NEGR1: variants seen among roughly 807,000 people sequenced by gnomAD.
NEGR1 encodes the protein IgLON family member 4.
Under a neutral mutation model 40.9 loss-of-function variants are expected in NEGR1, and 10 were observed. The observed-to-expected ratio is 0.24, with a 90% CI of 0.15 to 0.42. The LOEUF (loss-of-function observed/expected upper bound fraction) is 0.42. Among genes scored for constraint, NEGR1 ranks in the 10% least tolerant of loss-of-function variants. The pLI, the probability that NEGR1 is intolerant of heterozygous loss-of-function variation, is 1.00. For missense variants in NEGR1, 352 were observed against 438.9 expected (o/e 0.80, Z 1.77); for synonymous variants, 185 against 166.8 (o/e 1.11, Z -0.84).
chr1:71,910,402 A>AC (rs1161934196), intron 2 of NEGR1, among the ~76,000 whole-genome samples: 3 of 152,212 alleles, frequency 2.0e-5, no homozygotes, highest in South Asian at 2.1e-4. Flanking sequence ...AACAACCCTC[A>AC]AAGACAGACG....
intron 1 of NEGR1, among the ~76,000 whole-genome samples, chr1:71,946,029 G>A (rs1374892423): frequency 5.9e-5 from 9 of 151,918 alleles, no homozygotes; most frequent in Non-Finnish European, 8.8e-5. Flanking sequence ...TAAGTAAAGG[G>A]TTACCAATTC....
intron 2 of NEGR1, among the ~76,000 whole-genome samples, chr1:71,816,917 C>T (rs1658240132): frequency 6.7e-6 from 1 of 149,448 alleles, no homozygotes; most frequent in South Asian, 2.2e-4. Context: ...TCAATACTGT[C>T]ACTTCCTTTT....
At chr1:71,435,110 CA>C (rs756919652) in intron 6 of NEGR1, among the ~76,000 whole-genome samples, 18 of 150,234 alleles carry the variant, frequency 1.2e-4, no homozygotes, top group African/African-American at 3.2e-4. Flanking sequence ...AACAAACAAA[CA>C]AAAAAAAAAA....
chr1:71,687,401 G>A (rs1213727441), intron 4 of NEGR1, among the ~76,000 whole-genome samples: 5 of 152,168 alleles, frequency 3.3e-5, no homozygotes, highest in African/African-American at 7.2e-5. Context: ...CCCTGGCACA[G>A]TGGGCATTTT....
intron 1 of NEGR1, among the ~76,000 whole-genome samples, chr1:72,211,293 C>T (rs932985250): frequency 2.0e-5 from 3 of 151,886 alleles, no homozygotes; most frequent in African/African-American, 7.2e-5. Flanking sequence ...ACCTATCCCA[C>T]TCATTTACAT....
At chr1:71,714,059 G>C in intron 3 of NEGR1, among the ~76,000 whole-genome samples, 1 of 152,082 alleles carries the variant, frequency 6.6e-6, no homozygotes, top group East Asian at 1.9e-4. Flanking sequence ...ATTTATAAAG[G>C]AAAGAGGTTT....
chr1:71,632,981 T>C (rs1290561625), intron 4 of NEGR1, among the ~76,000 whole-genome samples: 2 of 152,248 alleles, frequency 1.3e-5, no homozygotes, highest in Middle Eastern at 3.4e-3. Context: ...TAATTGCTGT[T>C]ATGAATTAAT....
At chr1:71,829,042 A>G (rs760712785) in intron 2 of NEGR1, among the ~76,000 whole-genome samples, 3 of 152,006 alleles carry the variant, frequency 2.0e-5, no homozygotes, top group Middle Eastern at 3.4e-3. Flanking sequence ...CTCACAGTCT[A>G]TTGCTACTAT....
intron 3 of NEGR1, among the ~76,000 whole-genome samples, chr1:71,768,165 T>C (rs1330910711): frequency 6.6e-6 from 1 of 151,784 alleles, no homozygotes; most frequent in Non-Finnish European, 1.5e-5. Flanking sequence ...CTTAGTGGAG[T>C]TGTGAGAAGA....
At chr1:71,976,125 C>T (rs570079652) in intron 1 of NEGR1, among the ~76,000 whole-genome samples, 2 of 152,302 alleles carry the variant, frequency 1.3e-5, no homozygotes, top group East Asian at 1.9e-4. Flanking sequence ...AAAATATACA[C>T]ATAAGACTCA....
rs147070621 is a variant in NEGR1 at position 71,498,901 on chromosome 1, T to A, written c.941-91331A>T. 4.7e-4 allele frequency among the ~76,000 whole-genome samples: 72 copies of A among 152,280 alleles called. 1 individual carries two copies. The highest frequency in any genetic ancestry group is 7.2e-4 in the Non-Finnish European group (49 of 68,022). The stretch of plus-strand genomic sequence containing the variant: ...ACTACCCAGCTGCCTGCCAGGTCTC[T>A]TGGCTTCCATCATTTTCATCTCTTG... On this transcript the variant is annotated intron_variant, in intron 6 of 6. Coordinates refer to ENST00000357731, the MANE Select transcript of NEGR1 (RefSeq NM_173808.3).
intron 2 of NEGR1, among the ~76,000 whole-genome samples, chr1:71,854,556 C>T (rs926339548): frequency 6.6e-6 from 1 of 152,030 alleles, no homozygotes; most frequent in Non-Finnish European, 1.5e-5. Flanking sequence ...CACTCTGATG[C>T]TGCTATGAAG....
chr1:71,980,275 A>G (rs1057228010), intron 1 of NEGR1, among the ~76,000 whole-genome samples: 2 of 152,196 alleles, frequency 1.3e-5, no homozygotes, highest in African/African-American at 2.4e-5. Flanking sequence ...AAAATAAAAC[A>G]AAGAAAAAAT....
At chr1:72,247,202 T>C (rs1654930630) in intron 1 of NEGR1, among the ~76,000 whole-genome samples, 3 of 152,218 alleles carry the variant, frequency 2.0e-5, no homozygotes, top group Admixed American at 2.0e-4. Flanking sequence ...TATTCACACC[T>C]TGCTCCCTTT....
At chr1:71,899,016 G>A (rs1382896754) in intron 2 of NEGR1, among the ~76,000 whole-genome samples, 108 of 61,276 alleles carry the variant, frequency 1.8e-3, no homozygotes, top group Middle Eastern at 9.3e-3. Context: ...ATATATATAT[G>A]GCAACTAATG....
chr1:72,107,355 T>C (rs540013603), intron 1 of NEGR1, among the ~76,000 whole-genome samples: 1 of 151,732 alleles, frequency 6.6e-6, no homozygotes, highest in Admixed American at 6.6e-5. Flanking sequence ...AACATTGTAT[T>C]GAACAACATG....
At chr1:71,572,173 C>T (rs1488967671) in intron 6 of NEGR1, among the ~76,000 whole-genome samples, 1 of 152,186 alleles carries the variant, frequency 6.6e-6, no homozygotes, top group Non-Finnish European at 1.5e-5. Flanking sequence ...GCCATCTAAG[C>T]ATTGGTGACC....
At chr1:71,634,372 G>C (rs960293809) in intron 4 of NEGR1, among the ~76,000 whole-genome samples, 5 of 152,092 alleles carry the variant, frequency 3.3e-5, no homozygotes, top group Admixed American at 2.6e-4. Context: ...AATGCAGGCA[G>C]CACCATGGAA....
chr1:72,016,235 G>A (rs1374306295), intron 1 of NEGR1, among the ~76,000 whole-genome samples: 1 of 152,116 alleles, frequency 6.6e-6, no homozygotes, highest in Non-Finnish European at 1.5e-5. Context: ...ATAAGTGTAA[G>A]AGGAACCTGA....
Sources: allele counts gnomAD v4.1 joint callset (sites outside exome capture counted in the v4.1 genomes callset), GRCh38; gene constraint gnomAD v4.1.1; transcripts MANE v1.5; gene names NCBI Gene and HGNC (gene_info 2026-07-23, HGNC 2026-07-21).